Variants in SYCP2 observed in about 807,000 individuals in gnomAD.
SYCP2 encodes synaptonemal complex lateral element protein.
In SYCP2, 55 loss-of-function variants were observed where a neutral mutation model predicts 211.3. The ratio of observed to expected loss-of-function variants is 0.26; its 90% CI spans 0.21 to 0.33. SYCP2 has a LOEUF of 0.33. SYCP2 is among the 10% of genes least tolerant of loss of function. The pLI is 1.00. For missense variants in SYCP2, 1,731 were observed against 1,752.0 expected, an observed-to-expected ratio of 0.99 and a Z score of 0.21; for synonymous variants, 570 against 555.2, an observed-to-expected ratio of 1.03 and a Z score of -0.37.
intron 19 of SYCP2, 83 bp from the exon 20 acceptor site, chr20:59,895,680 G>A (rs2059995089): frequency 1.4e-6 from 2 of 1,469,526 alleles, no homozygotes; most frequent in Admixed American, 1.9e-5. Flanking sequence ...AGAAAGGTAA[G>A]AAACGAACAT....
At chr20:59,917,068 T>A (rs958676899) in intron 7 of SYCP2, among the ~76,000 whole-genome samples, 2 of 152,158 alleles carry the variant, frequency 1.3e-5, no homozygotes, top group African/African-American at 4.8e-5. Context: ...TGTGACTGAT[T>A]TTAATACTGT....
At chr20:59,876,500 A>C (rs2059563984) in intron 33 of SYCP2, among the ~76,000 whole-genome samples, 1 of 148,570 alleles carries the variant, frequency 6.7e-6, no homozygotes, top group Non-Finnish European at 1.5e-5. Flanking sequence ...AAGAGATGGA[A>C]GTTTATGATG....
chr20:59,877,277 GAAGTT>G, intron 33 of SYCP2, 103 bp downstream of exon 33: 1 of 769,324 alleles, frequency 1.3e-6, no homozygotes, highest in Non-Finnish European at 1.8e-6. Flanking sequence ...TGTCATAAAA[GAAGTT>G]AACTCTTAAG....
intron 30 of SYCP2, among the ~76,000 whole-genome samples, 167 bp downstream of exon 30, chr20:59,880,799 G>T (rs1186568520): frequency 1.3e-5 from 2 of 151,626 alleles, no homozygotes; most frequent in Non-Finnish European, 3.0e-5. Flanking sequence ...TTTATTAGAT[G>T]ATTACAAATA....
At chr20:59,912,725 CTG>C (rs958147598) in intron 12 of SYCP2, among the ~76,000 whole-genome samples, 99 of 152,262 alleles carry the variant, frequency 6.5e-4, no homozygotes, top group African/African-American at 2.3e-3. Context: ...TTGAATGGTA[CTG>C]TCATAATTCC....
chr20:59,890,119 A>T (rs985200314), intron 24 of SYCP2, among the ~76,000 whole-genome samples: 4 of 152,138 alleles, frequency 2.6e-5, no homozygotes, highest in Admixed American at 2.6e-4. Context: ...CTGCGGCACT[A>T]TTCACAATAG....
chr20:59,927,786 A>T (rs2060661046), intron 2 of SYCP2, among the ~76,000 whole-genome samples: 1 of 152,108 alleles, frequency 6.6e-6, no homozygotes. Context: ...TAAATTTGGG[A>T]AGGAAAATGA....
chr20:59,918,862 A>G (rs537529319), intron 7 of SYCP2, among the ~76,000 whole-genome samples: 8 of 152,268 alleles, frequency 5.3e-5, no homozygotes, highest in Admixed American at 3.9e-4. Flanking sequence ...TAGTAGACCT[A>G]TATTACAAAA....
intron 31 of SYCP2, among the ~76,000 whole-genome samples, chr20:59,879,449 T>A (rs2059623841): frequency 6.6e-6 from 1 of 151,960 alleles, no homozygotes; most frequent in Admixed American, 6.6e-5. Context: ...TGAAATAAAA[T>A]GAAAGCTGAT....
chr20:59,895,098 G>A (rs1257421284), intron 20 of SYCP2, among the ~76,000 whole-genome samples: 1 of 151,982 alleles, frequency 6.6e-6, no homozygotes, highest in Admixed American at 6.6e-5. Flanking sequence ...GAAACTTAAG[G>A]ACACAGTCCA....
chr20:59,867,300 C>G (rs1300529264), intron 39 of SYCP2, among the ~76,000 whole-genome samples: 1 of 151,316 alleles, frequency 6.6e-6, no homozygotes, highest in Non-Finnish European at 1.5e-5. Context: ...AAAACTAAGA[C>G]TACATAACTA....
intron 1 of SYCP2, chr20:59,933,085 A>G (rs6027204): frequency 0.13 from 19,321 of 152,124 alleles, 2,816 homozygotes; most frequent in African/African-American, 0.36. Context: ...CCCCCTTCAG[A>G]TGTCCCGGAG....
chr20:59,869,365 C>CA (rs1385798580), intron 36 of SYCP2, among the ~76,000 whole-genome samples: 15 of 151,734 alleles, frequency 9.9e-5, no homozygotes, highest in Non-Finnish European at 2.1e-4. Flanking sequence ...CCTACCCATC[C>CA]ACTTAGGTCT....
chr20:59,882,819 A>G (rs996330285), intron 26 of SYCP2, among the ~76,000 whole-genome samples: 3 of 152,122 alleles, frequency 2.0e-5, no homozygotes, highest in African/African-American at 4.8e-5. Flanking sequence ...ATTAAAAAAT[A>G]TATATATTAC....
Position 59,895,432 on chromosome 20 carries a change from G to T in SYCP2, c.1665+5C>A, listed in dbSNP as rs959969232. 1.3e-6 allele frequency: 2 copies of T among 1,579,736 alleles called. No individual in the cohort carries two copies. The highest frequency in any genetic ancestry group is 2.7e-5 in the African/African-American group (2 of 72,784). On this transcript the variant is annotated splice_donor_5th_base_variant and intron_variant, in intron 20 of 44. Transcript: ENST00000357552. ...ATTTTTAAAATACTTTCAAGGTAAA[G>T]TTACTTTGTCTATATTATCTCTTCT...
chr20:59,871,012 T>C (rs998911574), intron 35 of SYCP2, among the ~76,000 whole-genome samples: 2 of 151,882 alleles, frequency 1.3e-5, no homozygotes, highest in East Asian at 3.8e-4. Flanking sequence ...CCCAGAAGAT[T>C]GGTAAATTTG....
At chr20:59,866,940 A>ATATATT (rs1262305857) in intron 39 of SYCP2, among the ~76,000 whole-genome samples, 81 of 150,854 alleles carry the variant, frequency 5.4e-4, no homozygotes, top group African/African-American at 1.9e-3. Flanking sequence ...TCACAAAAAC[A>ATATATT]TAAATCTAGC....
intron 35 of SYCP2, 72 bp downstream of exon 35, chr20:59,873,784 A>T: frequency 7.6e-7 from 1 of 1,314,520 alleles, no homozygotes; most frequent in Non-Finnish European, 1.0e-6. Flanking sequence ...GTATCTGATT[A>T]AGATGATAGG....
chr20:59,902,045 A>G (rs748104297), intron 15 of SYCP2, among the ~76,000 whole-genome samples: 1 of 152,168 alleles, frequency 6.6e-6, no homozygotes, highest in Non-Finnish European at 1.5e-5. Context: ...GCTATAACTA[A>G]TAAGATAGAA....
Sources: allele counts gnomAD v4.1 joint callset (sites outside exome capture counted in the v4.1 genomes callset), GRCh38; gene constraint gnomAD v4.1.1; transcripts MANE v1.5; gene names NCBI Gene and HGNC (gene_info 2026-07-23, HGNC 2026-07-21).